The following DAB1 variants were observed in gnomAD, a reference collection of about 807,000 sequenced individuals.
DAB1 encodes disabled homolog 1.
DAB1 carries 15 observed loss-of-function variants against 64.6 expected under a neutral mutation model. The observed-to-expected ratio is 0.23, with a 90% CI of 0.16 to 0.36. The LOEUF (loss-of-function observed/expected upper bound fraction) is 0.36. Among genes scored for constraint, DAB1 ranks in the 10% least tolerant of loss-of-function variants. DAB1 has a pLI of 1.00. For synonymous variants in DAB1, 235 were observed against 251.9 expected (o/e 0.93, Z 0.64); for missense variants, 596 against 706.7 (o/e 0.84, Z 1.78).
At chr1:58,219,025 C>CTCTCTCTCTCTCTCTGTGTG (rs376130413) in intron 4 of DAB1, among the ~76,000 whole-genome samples, 38 of 129,550 alleles carry the variant, frequency 2.9e-4, no homozygotes, top group African/African-American at 1.1e-3. Context: ...CTCTCTCTCT[C>CTCTCTCTCTCTCTCTGTGTG]TGTGTGTGTG....
Position 58,283,942 on chromosome 1 carries a change from A to T in DAB1, n.309+59410T>A, listed in dbSNP as rs145250175. ...CTGGCTCAGTGTACGTGTTTAATAC[A>T]TGTTTGCTGTGAAAGGCACAAATTG... On this transcript the variant is annotated intron_variant and non_coding_transcript_variant, in intron 4 of 20. Coordinates refer to the DAB1 transcript ENST00000485760. 1.5e-3 allele frequency among the ~76,000 whole-genome samples: 233 copies of T among 152,322 alleles called. 2 individuals are homozygous for T. Among genetic ancestry groups the T allele is most frequent in the African/African-American group, 5.1e-3 (210 of 41,582 alleles).
At chr1:58,149,287 G>A (rs958122881) in intron 5 of DAB1, among the ~76,000 whole-genome samples, 17 of 152,284 alleles carry the variant, frequency 1.1e-4, no homozygotes, top group South Asian at 2.1e-4. Context: ...CTCCAAGAAG[G>A]AGGAAGAACA....
chr1:57,042,933 A>C (rs1221502872), intron 9 of DAB1, among the ~76,000 whole-genome samples: 2 of 152,036 alleles, frequency 1.3e-5, no homozygotes, highest in Non-Finnish European at 2.9e-5. Context: ...TGTCACATCT[A>C]CCCTGCCATT....
chr1:58,008,207 T>C (rs1293556046), intron 5 of DAB1, among the ~76,000 whole-genome samples: 1 of 152,178 alleles, frequency 6.6e-6, no homozygotes, highest in East Asian at 1.9e-4. Flanking sequence ...CCCAAGATCA[T>C]ACAGTTAGGA....
At chr1:57,505,745 A>C (rs945074895) in intron 7 of DAB1, among the ~76,000 whole-genome samples, 10 of 152,152 alleles carry the variant, frequency 6.6e-5, no homozygotes, top group South Asian at 4.1e-4. Context: ...ATCACGGCTC[A>C]CTGCAGCCTC....
At chr1:57,233,255 C>CCTTT (rs1211223285) in intron 2 of DAB1, among the ~76,000 whole-genome samples, 3 of 60,810 alleles carry the variant, frequency 4.9e-5, no homozygotes, top group East Asian at 7.0e-4. Flanking sequence ...TGCTCCGATT[C>CCTTT]TTTTTTTTTT....
At chr1:58,461,641 A>T (rs1014549102) in intron 3 of DAB1, among the ~76,000 whole-genome samples, 2 of 152,204 alleles carry the variant, frequency 1.3e-5, no homozygotes, top group African/African-American at 4.8e-5. Flanking sequence ...GTACATACAC[A>T]TCAAAGGATA....
chr1:58,085,404 G>A (rs937741100), intron 5 of DAB1, among the ~76,000 whole-genome samples: 4 of 152,100 alleles, frequency 2.6e-5, no homozygotes, highest in South Asian at 2.1e-4. Flanking sequence ...GTCTTCCTCT[G>A]TCACTCAGGC....
At chr1:57,590,456 A>C (rs1460332577) in intron 7 of DAB1, among the ~76,000 whole-genome samples, 2 of 151,932 alleles carry the variant, frequency 1.3e-5, no homozygotes, top group African/African-American at 4.8e-5. Context: ...AGTAGCTGGG[A>C]CTACAGGCAC....
intron 4 of DAB1, among the ~76,000 whole-genome samples, chr1:58,181,693 T>C (rs1251656241): frequency 6.6e-6 from 1 of 152,092 alleles, no homozygotes; most frequent in Non-Finnish European, 1.5e-5. Flanking sequence ...TAATAAAATA[T>C]GGAAATTTTG....
At chr1:57,216,201 G>A (rs1412711565) in intron 2 of DAB1, among the ~76,000 whole-genome samples, 1 of 151,934 alleles carries the variant, frequency 6.6e-6, no homozygotes, top group Non-Finnish European at 1.5e-5. Flanking sequence ...TAGCTGTGTA[G>A]CCTTAGGAAG....
At chr1:57,496,308 A>G (rs1285276625) in intron 7 of DAB1, among the ~76,000 whole-genome samples, 3 of 152,120 alleles carry the variant, frequency 2.0e-5, no homozygotes, top group African/African-American at 7.2e-5. Flanking sequence ...CAGGATCTGG[A>G]TGCAAAACTA....
intron 2 of DAB1, among the ~76,000 whole-genome samples, chr1:57,219,040 C>A (rs549628715): frequency 6.6e-6 from 1 of 152,244 alleles, no homozygotes; most frequent in South Asian, 2.1e-4. Context: ...ACTAAACATT[C>A]CTTTTTCTAT....
At chr1:58,300,519 C>G (rs1267949468) in intron 4 of DAB1, among the ~76,000 whole-genome samples, 2 of 143,630 alleles carry the variant, frequency 1.4e-5, no homozygotes, top group Admixed American at 1.4e-4. Context: ...TGCACTCCAG[C>G]CTGGGCAACA....
intron 4 of DAB1, among the ~76,000 whole-genome samples, chr1:57,132,539 C>T (rs375194442): frequency 6.6e-6 from 1 of 152,018 alleles, no homozygotes; most frequent in Non-Finnish European, 1.5e-5. Context: ...CTTTTTGAGC[C>T]CTGACATGAT....
intron 5 of DAB1, among the ~76,000 whole-genome samples, chr1:58,103,050 C>T (rs1651416444): frequency 6.6e-6 from 1 of 152,100 alleles, no homozygotes; most frequent in Non-Finnish European, 1.5e-5. Flanking sequence ...TACTATATGC[C>T]AGCTCACAGT....
At chr1:58,277,196 C>G (rs1385178126) in intron 4 of DAB1, among the ~76,000 whole-genome samples, 1 of 151,898 alleles carries the variant, frequency 6.6e-6, no homozygotes, top group Admixed American at 6.6e-5. Flanking sequence ...TGCGCCACCA[C>G]ACCCAGCTAA....
chr1:57,146,927 T>C (rs1476193636), intron 2 of DAB1, among the ~76,000 whole-genome samples: 1 of 152,188 alleles, frequency 6.6e-6, no homozygotes, highest in African/African-American at 2.4e-5. Context: ...CAATAAAGTA[T>C]CTACCTTACA....
chr1:58,433,490 G>A (rs1336126061), intron 3 of DAB1, among the ~76,000 whole-genome samples: 1 of 151,744 alleles, frequency 6.6e-6, no homozygotes, highest in African/African-American at 2.4e-5. Flanking sequence ...CCGAGAAGAT[G>A]ACACCAGCTT....
Sources: gnomAD v4.1 joint callset for allele counts (sites outside exome capture counted in the v4.1 genomes callset) on GRCh38, gnomAD v4.1.1 for gene constraint, MANE v1.5 for transcripts, NCBI Gene and HGNC (gene_info 2026-07-23, HGNC 2026-07-21) for gene names.